The following ATXN7L1 variants were observed in gnomAD, a reference collection of about 807,000 sequenced individuals.
The protein encoded by ATXN7L1 is ataxin-7-like protein 1.
ATXN7L1 carries 15 observed loss-of-function variants against 70.8 expected under a neutral mutation model. The ratio of observed to expected loss-of-function variants is 0.21; its 90% CI spans 0.14 to 0.33. The LOEUF is 0.33. Ranked by LOEUF, ATXN7L1 falls within the 10% of genes least tolerant of loss-of-function variation. The pLI is 1.00. For missense variants in ATXN7L1, 975 were observed against 1,097.1 expected (o/e 0.89, Z 1.57); for synonymous variants, 440 against 445.1 (o/e 0.99, Z 0.14).
chr7:105,790,037 A>C (rs1035903658), intron 2 of ATXN7L1, among the ~76,000 whole-genome samples: 6 of 152,230 alleles, frequency 3.9e-5, no homozygotes, highest in Non-Finnish European at 8.8e-5. Context: ...GGCTAAATGA[A>C]GAGAGGCAGA....
At chr7:105,730,201 C>T (rs1481086927) in intron 3 of ATXN7L1, among the ~76,000 whole-genome samples, 1 of 152,164 alleles carries the variant, frequency 6.6e-6, no homozygotes, top group Non-Finnish European at 1.5e-5. Context: ...TCAAGGTCAA[C>T]ATTAACAGTG....
rs371211514 is a variant in ATXN7L1, at chr7:105,728,052, C to T, written c.355+60552G>A. ...TAAAAAGTATGACTGTACTACTTTG[C>T]TTCTCATGGTAGTTGTTCTTTGTGA... On this transcript the variant is annotated intron_variant, in intron 3 of 11. Transcript: ENST00000419735. Among the ~76,000 whole-genome samples, 6 of 151,798 alleles carry T rather than the reference C, an allele frequency of 4.0e-5. No individual in the cohort carries two copies. In the East Asian group the frequency reaches 9.7e-4, roughly 24 times the overall value.
At chr7:105,756,604 C>T (rs994705564) in intron 3 of ATXN7L1, among the ~76,000 whole-genome samples, 6 of 152,174 alleles carry the variant, frequency 3.9e-5, no homozygotes, top group Non-Finnish European at 7.3e-5. Flanking sequence ...ATCTAAACCA[C>T]TAACCAAGCT....
intron 10 of ATXN7L1, 70 bp from the exon 11 acceptor site, chr7:105,610,673 G>A (rs1793066215): frequency 7.5e-7 from 1 of 1,329,490 alleles, no homozygotes; most frequent in Admixed American, 2.0e-5. Context: ...GATGCCACAT[G>A]TTCTAGGGGA....
intron 3 of ATXN7L1, among the ~76,000 whole-genome samples, chr7:105,785,193 C>T (rs531767113): frequency 2.0e-5 from 3 of 152,332 alleles, no homozygotes; most frequent in Non-Finnish European, 2.9e-5. Context: ...AGGCTGGGCA[C>T]GATGGCTCAT....
At chr7:105,876,197 C>T (rs935150317) in intron 1 of ATXN7L1, among the ~76,000 whole-genome samples, 181 bp downstream of exon 1, 1 of 152,050 alleles carries the variant, frequency 6.6e-6, no homozygotes, top group Non-Finnish European at 1.5e-5. Context: ...CCCTGGCAGC[C>T]GGGCCTCTCC....
chr7:105,868,593 G>A (rs1817813787), intron 2 of ATXN7L1, among the ~76,000 whole-genome samples: 1 of 152,046 alleles, frequency 6.6e-6, no homozygotes, highest in Admixed American at 6.5e-5. Flanking sequence ...TATCATTCAC[G>A]TGAGAACAAG....
chr7:105,688,811 G>A (rs1380579762), intron 3 of ATXN7L1, among the ~76,000 whole-genome samples: 5 of 152,232 alleles, frequency 3.3e-5, no homozygotes, highest in African/African-American at 1.2e-4. Context: ...AGTACACGGA[G>A]CAGGTGTGAG....
At chr7:105,767,941 T>C (rs898246099) in intron 3 of ATXN7L1, among the ~76,000 whole-genome samples, 5 of 152,234 alleles carry the variant, frequency 3.3e-5, no homozygotes, top group African/African-American at 1.2e-4. Context: ...AGACAGAGGC[T>C]CATCTCCAAG....
intron 8 of ATXN7L1, among the ~76,000 whole-genome samples, chr7:105,622,194 T>C (rs1257295805): frequency 2.0e-5 from 3 of 152,172 alleles, no homozygotes; most frequent in East Asian, 1.9e-4. Flanking sequence ...CTGTGGCCTT[T>C]CCATTTAAAT....
At chr7:105,757,860 G>C (rs1584934142) in intron 3 of ATXN7L1, among the ~76,000 whole-genome samples, 1 of 152,040 alleles carries the variant, frequency 6.6e-6, no homozygotes, top group South Asian at 2.1e-4. Context: ...AAAGTACTGG[G>C]ATTACAGGTG....
chr7:105,807,889 G>A (rs1346821399), intron 2 of ATXN7L1, among the ~76,000 whole-genome samples: 1 of 152,240 alleles, frequency 6.6e-6, no homozygotes, highest in East Asian at 1.9e-4. Context: ...AATGTTTACT[G>A]TCTTAAGCCA....
At chr7:105,826,551 A>G (rs1373771861) in intron 2 of ATXN7L1, among the ~76,000 whole-genome samples, 2 of 152,246 alleles carry the variant, frequency 1.3e-5, no homozygotes, top group African/African-American at 4.8e-5. Context: ...AGACATTTGG[A>G]AAAATGTGCA....
intron 3 of ATXN7L1, among the ~76,000 whole-genome samples, chr7:105,708,707 G>A (rs1186463982): frequency 4.6e-5 from 7 of 152,124 alleles, no homozygotes; most frequent in Non-Finnish European, 7.3e-5. Context: ...TAAGACTGCT[G>A]TACCATTCAT....
intron 3 of ATXN7L1, among the ~76,000 whole-genome samples, chr7:105,718,954 A>G (rs1357298667): frequency 6.6e-6 from 1 of 152,178 alleles, no homozygotes; most frequent in African/African-American, 2.4e-5. Context: ...AGACATCACA[A>G]ACAGGTGATG....
At chr7:105,691,039 G>A (rs886977546) in intron 3 of ATXN7L1, among the ~76,000 whole-genome samples, 3 of 152,062 alleles carry the variant, frequency 2.0e-5, no homozygotes, top group African/African-American at 7.2e-5. Context: ...CATTTAGGTG[G>A]GGACAAACTA....
chr7:105,843,010 A>C (rs1235702678), intron 2 of ATXN7L1, among the ~76,000 whole-genome samples: 1 of 152,174 alleles, frequency 6.6e-6, no homozygotes, highest in Non-Finnish European at 1.5e-5. Context: ...TCTTGATATT[A>C]TGGAAGTTGA....
chr7:105,850,194 G>A (rs991525627), intron 2 of ATXN7L1, among the ~76,000 whole-genome samples: 14 of 152,346 alleles, frequency 9.2e-5, no homozygotes, highest in Admixed American at 3.3e-4. Context: ...CTGACATTCT[G>A]AAAGATGTGC....
At chr7:105,784,800 G>A (rs1338333154) in intron 3 of ATXN7L1, among the ~76,000 whole-genome samples, 6 of 152,168 alleles carry the variant, frequency 3.9e-5, no homozygotes, top group Admixed American at 3.9e-4. Context: ...GTTAGTGGGG[G>A]AGTCGTGAAT....
Sources: gnomAD v4.1 joint callset for allele counts (sites outside exome capture counted in the v4.1 genomes callset) on GRCh38, gnomAD v4.1.1 for gene constraint, MANE v1.5 for transcripts, NCBI Gene and HGNC (gene_info 2026-07-23, HGNC 2026-07-21) for gene names.